The following CFAP251 variants were observed in gnomAD, a reference collection of about 807,000 sequenced individuals.
CFAP251 encodes the protein cilia- and flagella-associated protein 251.
Under a neutral mutation model 126.7 loss-of-function variants are expected in CFAP251, and 93 were observed. That is an observed-to-expected ratio of 0.73 (90% CI 0.62 to 0.87). CFAP251 has a LOEUF of 0.87. CFAP251 is among the 40% of genes least tolerant of loss of function. The probability of loss-of-function intolerance (pLI) is 0.00; values close to 1 mark genes in which losing one functional copy is unlikely to be tolerated. For synonymous variants in CFAP251, 503 were observed against 506.9 expected (o/e 0.99, Z 0.10); for missense variants, 1,287 against 1,389.2 (o/e 0.93, Z 1.17).
chr12:121,975,645 T>C lies in CFAP251; in HGVS notation c.2966T>C (p.Phe989Ser). The change falls in exon 19 of 22, where the codon TTT becomes TCT. Residue 989 changes from phenylalanine to serine, a missense_variant. Transcript: ENST00000288912. ...CACATTTGCCTGTCAGAGCTTCCTT[T>C]TGTCATGAGAGCAATTGGCTTTTAC... ...SEHICLSELPFVMRAIGFYPS... is the reference protein window; with the variant it reads ...SEHICLSELPSVMRAIGFYPS... 1 of 1,597,286 alleles carries C rather than the reference T, an allele frequency of 6.3e-7. No individual in the cohort carries two copies. Among genetic ancestry groups the C allele is most frequent in the South Asian group, 1.1e-5 (1 of 87,356 alleles).
intron 4 of CFAP251, 57 bp downstream of exon 4, chr12:121,931,943 A>AT (rs1173745549): frequency 4.3e-6 from 6 of 1,403,106 alleles, no homozygotes; most frequent in Middle Eastern, 1.9e-4. Flanking sequence ...TGCGTGTGGT[A>AT]TTTTGTTTTG....
At chr12:121,964,306 C>T (rs184928592) in intron 15 of CFAP251, among the ~76,000 whole-genome samples, 1 of 152,260 alleles carries the variant, frequency 6.6e-6, no homozygotes, top group African/African-American at 2.4e-5. Flanking sequence ...TAAAGAGGAG[C>T]TTTAGAAAGA....
chr12:121,919,088 C>G (rs1323888648), intron 1 of CFAP251, among the ~76,000 whole-genome samples: 1 of 151,572 alleles, frequency 6.6e-6, no homozygotes, highest in Non-Finnish European at 1.5e-5. Context: ...CACTTCACCT[C>G]TCAGAGCCTC....
At chr12:121,944,815 C>A (rs551234803) in intron 7 of CFAP251, among the ~76,000 whole-genome samples, 6 of 152,248 alleles carry the variant, frequency 3.9e-5, no homozygotes, top group Non-Finnish European at 7.4e-5. Context: ...GACAGGGTCT[C>A]ACTGCTGTCC....
At chr12:121,945,115 G>T (rs1248564658) in intron 7 of CFAP251, among the ~76,000 whole-genome samples, 2 of 151,832 alleles carry the variant, frequency 1.3e-5, no homozygotes, top group East Asian at 3.9e-4. Context: ...TTCTTCTTGG[G>T]TATTGTCATC....
At chr12:121,971,477 C>G in intron 17 of CFAP251, 1 of 699,060 alleles carries the variant, frequency 1.4e-6, no homozygotes, top group Non-Finnish European at 2.6e-6. Context: ...CGTAATAATC[C>G]CAACCACTTG....
At chr12:121,987,789 A>G (rs2135809716) in intron 19 of CFAP251, among the ~76,000 whole-genome samples, 1 of 151,614 alleles carries the variant, frequency 6.6e-6, no homozygotes, top group South Asian at 2.1e-4. Context: ...GCCTAGAGAG[A>G]GAAGAAAGAT....
Position 121,942,513 on chromosome 12 carries a change from C to T in CFAP251, c.999-21C>T, listed in dbSNP as rs75202325. ...CCAGGGAGACCTCAGCAAGTGTCGC[C>T]CCCCTTGTCCTGTTTTGCAGTATTC... is the stretch of plus-strand genomic sequence containing the variant. On this transcript the variant is annotated intron_variant, in intron 5 of 21. Coordinates refer to ENST00000288912, the MANE Select transcript of CFAP251 (RefSeq NM_144668.6). 5,353 of 1,586,070 alleles carry T rather than the reference C, an allele frequency of 3.4e-3. 161 individuals carry two copies. The African/African-American group carries it at 0.063, about 19-fold the overall frequency.
At chr12:121,996,123 A>G (rs1883017060) in intron 19 of CFAP251, among the ~76,000 whole-genome samples, 1 of 152,202 alleles carries the variant, frequency 6.6e-6, no homozygotes. Flanking sequence ...ACATTTTTTA[A>G]GTGGGACATG....
At chr12:121,979,384 C>T (rs1054044695) in intron 19 of CFAP251, among the ~76,000 whole-genome samples, 1 of 151,964 alleles carries the variant, frequency 6.6e-6, no homozygotes, top group Non-Finnish European at 1.5e-5. Context: ...GAAGCTGCAT[C>T]GGAGCATTTA....
chr12:121,922,272 GA>G (rs1263168351), intron 2 of CFAP251, among the ~76,000 whole-genome samples: 1 of 151,740 alleles, frequency 6.6e-6, no homozygotes, highest in Non-Finnish European at 1.5e-5. Flanking sequence ...TCGCCTGGCT[GA>G]TTTTTTTGTA....
At chr12:121,973,728 G>T (rs550237683) in intron 17 of CFAP251, among the ~76,000 whole-genome samples, 20 of 152,302 alleles carry the variant, frequency 1.3e-4, no homozygotes, top group South Asian at 1.0e-3. Context: ...TTTCAGACTT[G>T]CATGAGGCCT....
At chr12:121,999,680 AC>A in intron 19 of CFAP251, 35 bp from the exon 20 acceptor site, 1 of 1,525,952 alleles carries the variant, frequency 6.6e-7, no homozygotes, top group Non-Finnish European at 9.0e-7. Flanking sequence ...TTTTCTATTT[AC>A]TGTGGTCTTT....
At chr12:121,978,641 A>G (rs1882541688) in intron 19 of CFAP251, among the ~76,000 whole-genome samples, 1 of 152,120 alleles carries the variant, frequency 6.6e-6, no homozygotes. Context: ...ACCTATATAT[A>G]TCAACATTAT....
chr12:121,985,152 GT>G (rs1042499240), intron 19 of CFAP251, among the ~76,000 whole-genome samples: 1 of 152,164 alleles, frequency 6.6e-6, no homozygotes, highest in African/African-American at 2.4e-5. Flanking sequence ...GAATTAAATA[GT>G]CACTTAACTT....
At chr12:121,958,246 T>C in intron 11 of CFAP251, 26 bp from the exon 12 acceptor site, 2 of 1,612,266 alleles carry the variant, frequency 1.2e-6, no homozygotes, top group African/African-American at 2.7e-5. Context: ...AACACTGATA[T>C]TGTTTGGTCT....
rs1555221248 is a variant in CFAP251, at chr12:121,998,918, A to AG, written c.3007-793dup. On this transcript the variant is annotated intron_variant, in intron 19 of 21. Transcript: ENST00000288912. ...AAAAAAAAAAAAAAAAAAAAAAAAA[A>AG]GGGGGAAGTGGTGAGAGTGGACATC... 56 of 141,530 alleles carry AG rather than the reference A, an allele frequency of 4.0e-4. 1 individual carries two copies. The highest frequency in any genetic ancestry group is 1.3e-3 in the African/African-American group (47 of 37,310). 8.8% of individuals were successfully genotyped at this position (141,530 alleles called of 1,614,324 possible). A position where few individuals can be genotyped will look rare whatever the true frequency, so the allele number is the denominator to read the frequency against.
intron 9 of CFAP251, among the ~76,000 whole-genome samples, chr12:121,952,240 TAAAAAAAAAAAAAAA>T (rs558861973): frequency 7.6e-5 from 7 of 92,096 alleles, no homozygotes; most frequent in African/African-American, 2.5e-4. Flanking sequence ...TCGTTTCTAC[TAAAAAAAAAAAAAAA>T]AAAAAAAAAA....
chr12:121,942,421 C>A (rs553835690), intron 5 of CFAP251, 113 bp from the exon 6 acceptor site: 3 of 642,282 alleles, frequency 4.7e-6, no homozygotes, highest in East Asian at 2.8e-5. Context: ...TATGGATAGA[C>A]CACATTTTGT....
Sources: allele counts gnomAD v4.1 joint callset (sites outside exome capture counted in the v4.1 genomes callset), GRCh38; gene constraint gnomAD v4.1.1; transcripts MANE v1.5; gene names NCBI Gene and HGNC (gene_info 2026-07-23, HGNC 2026-07-21).